GBGT1: variants seen among roughly 807,000 people sequenced by gnomAD.
GBGT1 encodes the protein globoside alpha-1,3-N-acetylgalactosaminyltransferase 1.
In GBGT1, 18 loss-of-function variants were observed where a neutral mutation model predicts 20.9. The observed-to-expected ratio is 0.86, with a 90% CI of 0.60 to 1.28. GBGT1 has a LOEUF of 1.28. GBGT1 is among the 50% of genes most tolerant of loss of function. GBGT1 has a pLI of 0.00. For missense variants in GBGT1, 432 were observed against 455.7 expected (o/e 0.95, Z 0.47); for synonymous variants, 168 against 180.8 (o/e 0.93, Z 0.57).
chr9:133,156,659 C>CAAAAAA (rs111747155), intron 3 of GBGT1, among the ~76,000 whole-genome samples: 1 of 145,092 alleles, frequency 6.9e-6, no homozygotes. Flanking sequence ...GATTCCATCT[C>CAAAAAA]AAAAAAAAAA....
chr9:133,156,450 A>G (rs2119308191), intron 3 of GBGT1, among the ~76,000 whole-genome samples: 1 of 152,170 alleles, frequency 6.6e-6, no homozygotes, highest in South Asian at 2.1e-4. Context: ...TCACAAGGCC[A>G]GGAGTTCAAG....
At chr9:133,157,506 T>C (rs1271340880) in intron 3 of GBGT1, among the ~76,000 whole-genome samples, 2 of 152,254 alleles carry the variant, frequency 1.3e-5, no homozygotes, top group East Asian at 3.9e-4. Context: ...ATCCTTAGCC[T>C]TAGCGATGTG....
At chr9:133,162,800 G>A (rs1370802877) in intron 1 of GBGT1, among the ~76,000 whole-genome samples, 6 of 152,230 alleles carry the variant, frequency 3.9e-5, no homozygotes, top group Non-Finnish European at 7.3e-5. Flanking sequence ...CTCCCAAAGT[G>A]CTGGGATGAC....
chr9:133,160,151 T>C, intron 3 of GBGT1: 1 of 357,212 alleles, frequency 2.8e-6, no homozygotes, highest in Non-Finnish European at 5.6e-6. Context: ...TTAGCGTGTG[T>C]GCCTGTAATC....
chr9:133,155,898 T>C lies in GBGT1; in HGVS notation c.224+3A>G, dbSNP rs1165543440. 4 of 1,613,942 alleles carry C rather than the reference T, an allele frequency of 2.5e-6. No individual in the cohort carries two copies. The highest frequency in any genetic ancestry group is 2.5e-6 in the Non-Finnish European group (3 of 1,179,906). On this transcript the variant is annotated splice_donor_region_variant and intron_variant, in intron 5 of 6. Coordinates refer to ENST00000372040, the MANE Select transcript of GBGT1 (RefSeq NM_021996.6). ...CCCCATCAGGCCTCTCCATGACACC[T>C]ACCTGTGCTCCAGCAGCTTGGGCTG...
intron 6 of GBGT1, 158 bp downstream of exon 6, chr9:133,155,020 C>T: frequency 1.6e-6 from 1 of 617,616 alleles, no homozygotes; most frequent in South Asian, 2.0e-5. Context: ...ATCCCACTAT[C>T]ACACCCTACA....
At chr9:133,160,302 A>AATC in intron 3 of GBGT1, 1 of 149,106 alleles carries the variant, frequency 6.7e-6, no homozygotes, top group African/African-American at 2.5e-5. Context: ...TAATAATAAT[A>AATC]ATAATAATAA....
In GBGT1 at chr9:133,153,109, A is replaced by G. The variant is rs1267832260; in HGVS notation, c.*468T>C. The G allele has an allele frequency of 6.6e-6, 1 of 152,602 alleles. No individual in the cohort carries two copies. Among genetic ancestry groups the G allele is most frequent in the Non-Finnish European group, 1.5e-5 (1 of 68,390 alleles). 9.5% of individuals were successfully genotyped at this position (152,602 alleles called of 1,614,324 possible). ...CTCACTCTGGGGGCCTGAGTGAGGA[A>G]TTGGCTACATGTGGTTGGGAGACAT... On this transcript the variant is annotated 3_prime_UTR_variant, in exon 7 of 7. Transcript: ENST00000372040.
intron 2 of GBGT1, among the ~76,000 whole-genome samples, 179 bp from the exon 3 acceptor site, chr9:133,161,711 T>A (rs1031281617): frequency 2.6e-5 from 4 of 152,202 alleles, no homozygotes; most frequent in Non-Finnish European, 5.9e-5. Context: ...ATTCCTGGCA[T>A]GTGTCACAGG....
chr9:133,156,112 G>A (rs1832862981), intron 3 of GBGT1, 47 bp from the exon 4 acceptor site: 2 of 1,605,238 alleles, frequency 1.2e-6, no homozygotes, highest in Non-Finnish European at 1.7e-6. Context: ...TCTGGGGACA[G>A]AGACACTCAG....
chr9:133,153,385 GC>G lies in GBGT1; in HGVS notation c.*191del. ...CCCCCTGTCTCACTGTTCCCATGCC[GC>G]GTTACTGTGAGATCCTGTGTGCTAC... On this transcript the variant is annotated 3_prime_UTR_variant, in exon 7 of 7. Coordinates refer to ENST00000372040, the MANE Select transcript of GBGT1 (RefSeq NM_021996.6). 2.5e-6 allele frequency: 1 copy of G among 406,648 alleles called. No individual in the cohort carries two copies. Among genetic ancestry groups the G allele is most frequent in the Middle Eastern group, 6.2e-4 (1 of 1,622 alleles). 25.2% of individuals were successfully genotyped at this position (406,648 alleles called of 1,614,324 possible).
chr9:133,154,150 G>C lies in GBGT1; in HGVS notation c.471C>G (p.Val157=). 1 of 1,599,166 alleles carries C rather than the reference G, an allele frequency of 6.3e-7. No individual in the cohort carries two copies. Among genetic ancestry groups the C allele is most frequent in the Non-Finnish European group, 8.6e-7 (1 of 1,168,414 alleles). ...FTDNPAAVPG[V]PLGPHRLLSS... ...TGAGAAGCCGGTGGGGACCCAGCGG[G>C]ACCCCGGGAACGGCTGCAGGGTTGT... Residue 157 remains valine (V), a synonymous_variant, in exon 7 of 7, where the codon GTC becomes GTG. Coordinates refer to ENST00000372040, the MANE Select transcript of GBGT1 (RefSeq NM_021996.6). The surrounding 1 kb of genome is among the most constrained non-coding windows in gnomAD (Gnocchi z 4.2).
Position 133,154,603 on chromosome 9 carries a change from A to G in GBGT1, c.360-342T>C. 4.6e-6 allele frequency: 1 copy of G among 215,676 alleles called. No homozygotes were observed. Among genetic ancestry groups the G allele is most frequent in the Non-Finnish European group, 9.1e-6 (1 of 109,430 alleles). 13.4% of individuals were successfully genotyped at this position (215,676 alleles called of 1,614,324 possible). On this transcript the variant is annotated intron_variant, in intron 6 of 6. Transcript: ENST00000372040. This position sits in a 1 kb window ranked among gnomAD's most constrained non-coding sequence, Gnocchi z 4.2. ...CAGGCAGGAACATTGAGGATCACAGAGAAGAAAGTAGTGAAGAAGCAGGTA... is the reference window on the plus strand; with the variant it reads ...CAGGCAGGAACATTGAGGATCACAGGGAAGAAAGTAGTGAAGAAGCAGGTA...
chr9:133,156,531 G>A (rs7027827), intron 3 of GBGT1, among the ~76,000 whole-genome samples: 26,899 of 151,734 alleles, frequency 0.18, 2,640 homozygotes, highest in Non-Finnish European at 0.21. Context: ...ATGGTGGCGG[G>A]CGCCTGTAAT....
rs781630327 is a variant in GBGT1, at chr9:133,160,308, AAT to A, written c.137+1157_137+1158del. The A allele has an allele frequency of 5.5e-3, 819 of 147,852 alleles. 6 individuals are homozygous for A. The highest frequency in any genetic ancestry group is 7.4e-3 in the Non-Finnish European group (491 of 66,626). 9.2% of individuals were successfully genotyped at this position (147,852 alleles called of 1,614,324 possible). Reference sequence around the variant, plus strand: ...TAATAATAATAATAATAATAATAATAATAAATAAAATTTATACCAAAGAGGAT... The same window carrying A: ...TAATAATAATAATAATAATAATAATAAAATAAAATTTATACCAAAGAGGAT... On this transcript the variant is annotated intron_variant, in intron 3 of 6. Coordinates refer to ENST00000372040, the MANE Select transcript of GBGT1 (RefSeq NM_021996.6).
intron 3 of GBGT1, among the ~76,000 whole-genome samples, chr9:133,158,407 G>A (rs557890561): frequency 1.4e-4 from 22 of 152,130 alleles, no homozygotes; most frequent in Middle Eastern, 3.4e-3. Flanking sequence ...GCACCCTGAG[G>A]AGCTGAGACC....
rs1250174480 is a variant in GBGT1, at chr9:133,153,981, G to A, written c.640C>T (p.Pro214Ser). The A allele has an allele frequency of 6.2e-7, 1 of 1,613,786 alleles. No homozygotes were observed. Among genetic ancestry groups the A allele is most frequent in the South Asian group, 1.1e-5 (1 of 91,086 alleles). ...TCTCCCAAGGTCTCAGGGCCCCACG[G>A]GTTCCGAAACACCATGTCCACATCA... ...CLDVDMVFRN[P>S]WGPETLGDLV... Residue 214 changes from proline (P) to serine (S), a missense_variant, in exon 7 of 7, where the codon CCG becomes TCG. By Grantham distance (74) the Pro-to-Ser change is moderately conservative. Coordinates refer to ENST00000372040, the MANE Select transcript of GBGT1 (RefSeq NM_021996.6).
chr9:133,155,150 C>T, intron 6 of GBGT1, 28 bp downstream of exon 6: 1 of 1,603,910 alleles, frequency 6.2e-7, no homozygotes, highest in Non-Finnish European at 8.5e-7. Flanking sequence ...AGGGAGACCT[C>T]CCTCCCCTTC....
chr9:133,159,247 C>A (rs1003786012), intron 3 of GBGT1, among the ~76,000 whole-genome samples: 2 of 152,202 alleles, frequency 1.3e-5, no homozygotes, highest in Non-Finnish European at 2.9e-5. Flanking sequence ...AGGCATAAGC[C>A]GCTACACCCA....
Sources: allele counts gnomAD v4.1 joint callset (sites outside exome capture counted in the v4.1 genomes callset), GRCh38; gene constraint gnomAD v4.1.1; non-coding constraint Gnocchi (gnomAD v3.1); transcripts MANE v1.5; gene names NCBI Gene and HGNC (gene_info 2026-07-23, HGNC 2026-07-21).